Variants in MACROD2 observed in about 807,000 individuals in gnomAD.
MACROD2 encodes ADP-ribose glycohydrolase MACROD2.
Under a neutral mutation model 70.4 loss-of-function variants are expected in MACROD2, and 36 were observed. That is an observed-to-expected ratio of 0.51 (90% confidence interval 0.39 to 0.68). The LOEUF (loss-of-function observed/expected upper bound fraction) is 0.68, where lower values mean the gene tolerates loss of function less well. Among genes scored for constraint, MACROD2 ranks in the 30% least tolerant of loss-of-function variants. The pLI is 0.00. For missense variants in MACROD2, 496 were observed against 538.4 expected (o/e 0.92, Z 0.78); for synonymous variants, 172 against 178.8 (o/e 0.96, Z 0.30).
chr20:14,222,030 TGGTA>T (rs779698548), intron 3 of MACROD2, among the ~76,000 whole-genome samples: 1 of 152,212 alleles, frequency 6.6e-6, no homozygotes. Context: ...TATACACTAT[TGGTA>T]GGAATGTAAA....
chr20:14,656,368 G>T (rs959851754), intron 4 of MACROD2, among the ~76,000 whole-genome samples: 2 of 152,086 alleles, frequency 1.3e-5, no homozygotes, highest in Admixed American at 6.5e-5. Context: ...AAAAAGGTGG[G>T]GATTAAACCT....
At chr20:14,346,124 A>G (rs888833820) in intron 3 of MACROD2, among the ~76,000 whole-genome samples, 7 of 134,486 alleles carry the variant, frequency 5.2e-5, no homozygotes, top group African/African-American at 1.9e-4. Context: ...AAAAAAAAAA[A>G]GTAAGAGAGC....
In MACROD2 at chr20:15,233,625, G is replaced by T. The variant is rs139946995; in HGVS notation, c.540+3564G>T. On this transcript the variant is annotated intron_variant, in intron 6 of 17. Coordinates refer to ENST00000684519, the MANE Select transcript of MACROD2 (RefSeq NM_001351661.2). Reference sequence around the variant, plus strand: ...CATTTCTGTTCTCCATGCATTGTTTGTAACAGCTGTTTTTTCATACCTATC... The same window carrying T: ...CATTTCTGTTCTCCATGCATTGTTTTTAACAGCTGTTTTTTCATACCTATC... Among the ~76,000 whole-genome samples, 449 of 151,984 alleles carry T rather than the reference G, an allele frequency of 3.0e-3. 5 individuals are homozygous for T. In the Middle Eastern group the frequency reaches 0.037, roughly 13 times the overall value.
intron 8 of MACROD2, among the ~76,000 whole-genome samples, chr20:15,527,770 G>T (rs747295455): frequency 6.6e-6 from 1 of 152,174 alleles, no homozygotes; most frequent in African/African-American, 2.4e-5. Flanking sequence ...GATGTTTGGT[G>T]CACATGAGGC....
At chr20:14,119,882 T>TA (rs1297207089) in intron 3 of MACROD2, among the ~76,000 whole-genome samples, 1 of 152,072 alleles carries the variant, frequency 6.6e-6, no homozygotes, top group East Asian at 1.9e-4. Context: ...CAACCCCATC[T>TA]AGGCAAAGGA....
intron 3 of MACROD2, chr20:14,329,327 C>A (rs773345097): frequency 6.6e-6 from 1 of 152,030 alleles, no homozygotes; most frequent in African/African-American, 2.4e-5. Flanking sequence ...CTGAGCATCT[C>A]CTGTGAAAGT....
intron 9 of MACROD2, among the ~76,000 whole-genome samples, chr20:15,873,982 G>A (rs149379263): frequency 0.011 from 1,644 of 152,020 alleles, 31 homozygotes; most frequent in African/African-American, 0.038. Flanking sequence ...TGTTACATAG[G>A]TATACATGTG....
At chr20:14,091,557 A>C (rs893983011) in intron 3 of MACROD2, among the ~76,000 whole-genome samples, 20 of 152,186 alleles carry the variant, frequency 1.3e-4, no homozygotes, top group Admixed American at 1.2e-3. Flanking sequence ...AATCATCCAC[A>C]CTGTGTATAT....
At chr20:15,965,025 G>A (rs1364116255) in intron 12 of MACROD2, among the ~76,000 whole-genome samples, 2 of 152,084 alleles carry the variant, frequency 1.3e-5, no homozygotes, top group Non-Finnish European at 2.9e-5. Flanking sequence ...TGCACACATC[G>A]AATATACTGC....
At chr20:15,103,658 A>G (rs2075889776) in intron 5 of MACROD2, among the ~76,000 whole-genome samples, 1 of 152,178 alleles carries the variant, frequency 6.6e-6, no homozygotes, top group African/African-American at 2.4e-5. Context: ...TCTAATGAAG[A>G]AGACTGATAA....
chr20:14,786,734 T>C (rs889594820), intron 5 of MACROD2, among the ~76,000 whole-genome samples: 1 of 152,086 alleles, frequency 6.6e-6, no homozygotes, highest in Admixed American at 6.5e-5. Flanking sequence ...CACAGTCTTT[T>C]GTTGAGATGA....
At chr20:14,900,844 C>CT (rs1437648518) in intron 5 of MACROD2, among the ~76,000 whole-genome samples, 1 of 151,802 alleles carries the variant, frequency 6.6e-6, no homozygotes. Context: ...ATTTTGCTTG[C>CT]TTTGCATTTA....
chr20:14,205,876 G>T (rs536971860), intron 3 of MACROD2, among the ~76,000 whole-genome samples: 1 of 152,160 alleles, frequency 6.6e-6, no homozygotes, highest in Non-Finnish European at 1.5e-5. Flanking sequence ...TAGATACAAA[G>T]CCTTCTAATT....
intron 5 of MACROD2, among the ~76,000 whole-genome samples, chr20:15,058,077 T>C (rs2075500979): frequency 6.6e-6 from 1 of 152,180 alleles, no homozygotes; most frequent in Admixed American, 6.5e-5. Flanking sequence ...TCTTTCACCT[T>C]GTCTGAGGCC....
intron 8 of MACROD2, among the ~76,000 whole-genome samples, chr20:15,810,848 A>G (rs11906082): frequency 0.055 from 8,294 of 151,694 alleles, 528 homozygotes; most frequent in African/African-American, 0.15. Context: ...AGGATTCCCT[A>G]TTTAATAAAT....
Position 14,735,175 on chromosome 20 carries a change from C to T in MACROD2, c.418+50216C>T, listed in dbSNP as rs531863084. On this transcript the variant is annotated intron_variant, in intron 5 of 17. Coordinates refer to ENST00000684519, the MANE Select transcript of MACROD2 (RefSeq NM_001351661.2). ...AAAAAAAGCCCTTTTGTGCCTCAAA[C>T]GACACTATGAAGAAAGTGAAAGGAC... 3.9e-5 allele frequency among the ~76,000 whole-genome samples: 6 copies of T among 152,162 alleles called. No individual in the cohort carries two copies. In the South Asian group the frequency reaches 6.2e-4, roughly 16 times the overall value.
rs534009515 is a variant in MACROD2, at chr20:15,660,460, T to C, written c.645+160613T>C. ...AAAGCCACGTAGTTTTTCAGATTTA[T>C]TTAGAAAATAGAAAGCATCTTTAAA... On this transcript the variant is annotated intron_variant, in intron 8 of 17. Coordinates refer to ENST00000684519, the MANE Select transcript of MACROD2 (RefSeq NM_001351661.2). Among the ~76,000 whole-genome samples, 122 of 152,174 alleles carry C rather than the reference T, an allele frequency of 8.0e-4. 1 individual carries two copies. Among genetic ancestry groups the C allele is most frequent in the Non-Finnish European group, 1.5e-3 (99 of 68,044 alleles).
chr20:14,350,341 C>T (rs2083111078), intron 3 of MACROD2, among the ~76,000 whole-genome samples: 1 of 152,036 alleles, frequency 6.6e-6, no homozygotes, highest in South Asian at 2.1e-4. Flanking sequence ...TTTATGTTCC[C>T]ACCAACAGTG....
intron 4 of MACROD2, chr20:14,566,874 T>G (rs928214148): frequency 8.6e-5 from 13 of 152,014 alleles, no homozygotes; most frequent in African/African-American, 3.1e-4. Context: ...ATAGTATAAA[T>G]TGTTGCAATG....
Sources: gnomAD v4.1 joint callset for allele counts (sites outside exome capture counted in the v4.1 genomes callset) on GRCh38, gnomAD v4.1.1 for gene constraint, MANE v1.5 for transcripts, NCBI Gene and HGNC (gene_info 2026-07-23, HGNC 2026-07-21) for gene names.